The following NXPE4 variants were observed in gnomAD, a reference collection of about 807,000 sequenced individuals.
The protein encoded by NXPE4 is NXPE family member 4.
A neutral mutation model predicts 33.3 loss-of-function variants in NXPE4; 42 were observed. The observed-to-expected ratio is 1.26, with a 90% CI of 0.98 to 1.63. The LOEUF (loss-of-function observed/expected upper bound fraction) is 1.63, where lower values mean the gene tolerates loss of function less well. Ranked by LOEUF, NXPE4 falls within the 40% of genes most tolerant of loss-of-function variation. The pLI, the probability that NXPE4 is intolerant of heterozygous loss-of-function variation, is 0.00. For synonymous variants in NXPE4, 253 were observed against 234.9 expected (o/e 1.08, Z -0.71); for missense variants, 709 against 647.6 (o/e 1.09, Z -1.03).
chr11:114,615,868 G>A, the NXPE4 span, among the ~76,000 whole-genome samples: 1 of 151,566 alleles, frequency 6.6e-6, no homozygotes, highest in Admixed American at 6.6e-5. Context: ...TGTAAGCACT[G>A]TGACCTGGTC....
chr11:114,633,915 A>G, the NXPE4 span, among the ~76,000 whole-genome samples: 6 of 152,094 alleles, frequency 3.9e-5, no homozygotes, highest in African/African-American at 1.4e-4. Flanking sequence ...TAGTGCCACA[A>G]TAAACATATG....
At chr11:114,652,437 ATTTGAGAT>A in the NXPE4 span, among the ~76,000 whole-genome samples, 2 of 152,172 alleles carry the variant, frequency 1.3e-5, no homozygotes, top group African/African-American at 4.8e-5. Context: ...CACTTTCAGG[ATTTGAGAT>A]TTTGGGCAGA....
chr11:114,595,284 G>A (rs1386201504), intron 1 of NXPE4, among the ~76,000 whole-genome samples: 1 of 152,026 alleles, frequency 6.6e-6, no homozygotes, highest in Non-Finnish European at 1.5e-5. Flanking sequence ...AGCTTGAAAA[G>A]AATTATTTTA....
At chr11:114,648,592 T>C in the NXPE4 span, among the ~76,000 whole-genome samples, 2 of 152,186 alleles carry the variant, frequency 1.3e-5, no homozygotes, top group Non-Finnish European at 2.9e-5. Context: ...CATGACCCAG[T>C]CAAGTTGATA....
At chr11:114,675,682 T>G in the NXPE4 span, among the ~76,000 whole-genome samples, 2 of 151,898 alleles carry the variant, frequency 1.3e-5, no homozygotes, top group African/African-American at 2.4e-5. Context: ...GCCCAAAACA[T>G]TCTACAGATT....
At chr11:114,660,630 T>A in the NXPE4 span, among the ~76,000 whole-genome samples, 4 of 152,152 alleles carry the variant, frequency 2.6e-5, no homozygotes, top group African/African-American at 9.6e-5. Context: ...ATAAAGGCAT[T>A]TAGGAAAATC....
the NXPE4 span, among the ~76,000 whole-genome samples, chr11:114,606,018 C>A: frequency 2.0e-5 from 3 of 151,824 alleles, no homozygotes; most frequent in East Asian, 5.8e-4. Context: ...CATGGGTAAC[C>A]ACTGTTACCA....
the NXPE4 span, among the ~76,000 whole-genome samples, chr11:114,634,240 T>G: frequency 1.3e-5 from 2 of 152,162 alleles, no homozygotes; most frequent in South Asian, 2.1e-4. Flanking sequence ...TTCATGTGTT[T>G]TTTGGCTGCA....
At chr11:114,666,969 C>T in the NXPE4 span, among the ~76,000 whole-genome samples, 3 of 152,256 alleles carry the variant, frequency 2.0e-5, no homozygotes, top group African/African-American at 7.2e-5. Context: ...ACACCCATAG[C>T]CCTCAGAAAC....
the NXPE4 span, among the ~76,000 whole-genome samples, chr11:114,658,604 C>G: frequency 6.6e-6 from 1 of 152,094 alleles, no homozygotes; most frequent in Admixed American, 6.5e-5. Flanking sequence ...GCAGCAAACT[C>G]TGTGACTTCA....
chr11:114,577,827 G>C (rs1009053461), intron 5 of NXPE4, among the ~76,000 whole-genome samples: 1 of 152,100 alleles, frequency 6.6e-6, no homozygotes, highest in African/African-American at 2.4e-5. Context: ...CCTCAAGACT[G>C]AAATTATATT....
At chr11:114,583,331 GC>G in intron 2 of NXPE4, 2 of 620,746 alleles carry the variant, frequency 3.2e-6, no homozygotes, top group Non-Finnish European at 3.1e-6. Context: ...TTATGGACAA[GC>G]CCACCCAAGG....
the NXPE4 span, among the ~76,000 whole-genome samples, chr11:114,661,019 C>T: frequency 5.3e-5 from 8 of 152,042 alleles, no homozygotes; most frequent in South Asian, 2.1e-4. Context: ...AAGAATGGCA[C>T]GGAAAACATG....
the NXPE4 span, among the ~76,000 whole-genome samples, chr11:114,666,408 T>G: frequency 6.6e-6 from 1 of 152,138 alleles, no homozygotes; most frequent in Admixed American, 6.6e-5. Flanking sequence ...AAAGGGAAAT[T>G]GATTAAAAAA....
chr11:114,586,696 G>A (rs754547269), intron 2 of NXPE4, among the ~76,000 whole-genome samples: 4 of 152,124 alleles, frequency 2.6e-5, no homozygotes, highest in Non-Finnish European at 5.9e-5. Context: ...TTACCTGAAG[G>A]TTTCTGGACT....
At chr11:114,637,005 T>C in the NXPE4 span, among the ~76,000 whole-genome samples, 1 of 152,158 alleles carries the variant, frequency 6.6e-6, no homozygotes, top group Non-Finnish European at 1.5e-5. Context: ...TGAGTTCAAT[T>C]CCTGGGTATC....
chr11:114,627,988 G>C, the NXPE4 span, among the ~76,000 whole-genome samples: 15 of 151,822 alleles, frequency 9.9e-5, no homozygotes, highest in African/African-American at 3.1e-4. Context: ...AATATATATG[G>C]ACCCAACACA....
the NXPE4 span, among the ~76,000 whole-genome samples, chr11:114,616,105 T>A: frequency 6.6e-6 from 1 of 151,636 alleles, no homozygotes; most frequent in East Asian, 1.9e-4. Context: ...AAGTAATGCA[T>A]CATGGGTAAC....
In NXPE4 at chr11:114,582,995, G is replaced by C. The variant is rs1206162088; in HGVS notation, c.123C>G (p.Ile41Met). ...TGGAGTTGTTCCAGTAATGGAGGGAGATGGATAAGTTTAGAGCAGACCAAA... is the reference window on the plus strand; with the variant it reads ...TGGAGTTGTTCCAGTAATGGAGGGACATGGATAAGTTTAGAGCAGACCAAA... ...TKVWSALNLS[I>M]SLHYWNNSTK... The change falls in exon 3 of 6, where the codon ATC becomes ATG. Residue 41 changes from isoleucine to methionine, a missense_variant. By Grantham distance (10) the Ile-to-Met change is conservative. Coordinates refer to ENST00000375478, the MANE Select transcript of NXPE4 (RefSeq NM_001077639.2). The C allele has an allele frequency of 8.7e-6, 14 of 1,613,052 alleles. No homozygotes were observed. The East Asian group carries it at 3.1e-4, about 36-fold the overall frequency.
Sources: allele counts gnomAD v4.1 joint callset (sites outside exome capture counted in the v4.1 genomes callset), GRCh38; gene constraint gnomAD v4.1.1; transcripts MANE v1.5; gene names NCBI Gene and HGNC (gene_info 2026-07-23, HGNC 2026-07-21).